BRD9: variants seen among roughly 807,000 people sequenced by gnomAD.
The protein encoded by BRD9 is bromodomain containing 9.
Under a neutral mutation model 68.7 loss-of-function variants are expected in BRD9, and 47 were observed. That is an observed-to-expected ratio of 0.68 (90% CI 0.54 to 0.87). The LOEUF is 0.87. BRD9 is among the 40% of genes least tolerant of loss of function. The pLI is 0.00. For synonymous variants in BRD9, 313 were observed against 293.9 expected, an observed-to-expected ratio of 1.06 and a Z score of -0.67; for missense variants, 670 against 748.4, an observed-to-expected ratio of 0.90 and a Z score of 1.22.
At chr5:866,492 A>C (rs1044154711) in intron 14 of BRD9, 4 of 152,288 alleles carry the variant, frequency 2.6e-5, no homozygotes, top group African/African-American at 9.7e-5. Context: ...TAAAGACAGG[A>C]AGATGAGGGA....
At chr5:872,389 A>G (rs910914743) in intron 12 of BRD9, among the ~76,000 whole-genome samples, 13 of 152,212 alleles carry the variant, frequency 8.5e-5, no homozygotes, top group African/African-American at 3.1e-4. Flanking sequence ...TCCATATCCA[A>G]GTTCACTTTC....
intron 12 of BRD9, among the ~76,000 whole-genome samples, chr5:873,781 C>G (rs930426109): frequency 3.3e-5 from 5 of 152,218 alleles, no homozygotes; most frequent in African/African-American, 7.2e-5. Context: ...ATGAAACCGT[C>G]AGGTCAAGGG....
intron 6 of BRD9, 116 bp downstream of exon 6, chr5:887,245 C>G (rs1238030239): frequency 2.3e-6 from 2 of 863,368 alleles, no homozygotes; most frequent in Non-Finnish European, 3.7e-6. Flanking sequence ...GGGGCAACAC[C>G]ATGAGGGTGG....
intron 5 of BRD9, chr5:888,314 T>C (rs528480291): frequency 6.6e-6 from 1 of 152,458 alleles, no homozygotes; most frequent in Non-Finnish European, 1.5e-5. Flanking sequence ...TCTTAACATC[T>C]ACCCTCAGGC....
rs887993270 is a variant in BRD9 at position 863,868 on chromosome 5, T to G, written c.*600A>C. On this transcript the variant is annotated 3_prime_UTR_variant, in exon 16 of 16. Coordinates refer to ENST00000467963, the MANE Select transcript of BRD9 (RefSeq NM_023924.5). ...CTCTCCTCACCCCAGCCTGGCCCTG[T>G]GCTCCCCAATGGCCCCTGCGAGGCC... 1 of 152,474 alleles carries G rather than the reference T, an allele frequency of 6.6e-6. No individual in the cohort carries two copies. The highest frequency in any genetic ancestry group is 2.4e-5 in the African/African-American group (1 of 41,444). The allele number at this position is 152,474 out of a possible 1,614,324, so 9.4% of individuals were successfully genotyped here. A position where few individuals can be genotyped will look rare whatever the true frequency, so the allele number is the denominator to read the frequency against.
At chr5:865,064 A>G (rs1579885737) in intron 15 of BRD9, among the ~76,000 whole-genome samples, 2 of 152,076 alleles carry the variant, frequency 1.3e-5, no homozygotes, top group African/African-American at 2.4e-5. Context: ...ACAAAACCCC[A>G]CCCACCAAAA....
chr5:869,765 A>G (rs1579910532), intron 14 of BRD9, among the ~76,000 whole-genome samples: 1 of 152,178 alleles, frequency 6.6e-6, no homozygotes, highest in South Asian at 2.1e-4. Context: ...TCCACCAACG[A>G]CCCGACATTC....
chr5:892,732 C>T lies in BRD9; in HGVS notation c.-75G>A. On this transcript the variant is annotated 5_prime_UTR_variant, in exon 1 of 16. Transcript: ENST00000467963. ...CGGTCGGACCTTGGCCGCCACCGCC[C>T]CCTGGCCCTGGCTGGCCGCCCGCGC... The T allele has an allele frequency of 8.1e-7, 1 of 1,227,776 alleles. No homozygotes were observed. Among genetic ancestry groups the T allele is most frequent in the South Asian group, 3.6e-5 (1 of 27,850 alleles). The allele number at this position is 1,227,776 out of a possible 1,614,324, so 76.1% of individuals were successfully genotyped here.
rs1223997409 is a variant in BRD9 at position 892,673 on chromosome 5, G to A, written c.-16C>T. ...TCTTGCCCATGGCGGCGCCGGCGGC[G>A]GGCCCGAGGCGGGGGCTGGGAACAG... On this transcript the variant is annotated 5_prime_UTR_variant, in exon 1 of 16. Coordinates refer to ENST00000467963, the MANE Select transcript of BRD9 (RefSeq NM_023924.5). 2.8e-6 allele frequency: 4 copies of A among 1,404,978 alleles called. No homozygotes were observed. The highest frequency in any genetic ancestry group is 3.0e-5 in the African/African-American group (2 of 66,224). The allele number at this position is 1,404,978 out of a possible 1,614,324, so 87.0% of individuals were successfully genotyped here.
At chr5:884,825 A>G (rs1443198361) in intron 7 of BRD9, among the ~76,000 whole-genome samples, 1 of 152,266 alleles carries the variant, frequency 6.6e-6, no homozygotes, top group African/African-American at 2.4e-5. Flanking sequence ...TGAGCTCCGC[A>G]GGGAGGGGCT....
At chr5:892,505 G>A (rs920787419) in intron 1 of BRD9, 101 bp downstream of exon 1, 2 of 1,482,850 alleles carry the variant, frequency 1.3e-6, no homozygotes, top group African/African-American at 1.4e-5. Context: ...CTCGTGGCCA[G>A]GACCTCGCCC....
intron 14 of BRD9, among the ~76,000 whole-genome samples, chr5:870,071 G>A (rs1304687306): frequency 2.0e-5 from 3 of 152,218 alleles, no homozygotes; most frequent in Non-Finnish European, 4.4e-5. Context: ...CCAGGTGGGA[G>A]CGATGCAGAG....
chr5:870,363 T>C, intron 14 of BRD9, 110 bp downstream of exon 14: 1 of 820,408 alleles, frequency 1.2e-6, no homozygotes, highest in South Asian at 1.6e-5. Flanking sequence ...ACAAAAGATT[T>C]TCCTGGCATC....
chr5:872,383 T>C (rs1750278114), intron 12 of BRD9, among the ~76,000 whole-genome samples: 1 of 152,210 alleles, frequency 6.6e-6, no homozygotes, highest in Non-Finnish European at 1.5e-5. Flanking sequence ...CTCAACTCCA[T>C]ATCCAAGTTC....
chr5:870,492 G>T lies in BRD9; in HGVS notation c.1506C>A (p.Ile502=), dbSNP rs762097391. The stretch of plus-strand genomic sequence containing the variant: ...ACTCACCCAGAGAGCTGAGCATGGA[G>T]ATATCCACAGAAACGTCGGGATAGG... The part of the protein sequence containing the change: ...MKSYPDVSVD[I]SMLSSLGKVK... Residue 502 remains isoleucine (I), a synonymous_variant, in exon 14 of 16, where the codon ATC becomes ATA. Transcript: ENST00000467963. 10 of 1,613,814 alleles carry T rather than the reference G, an allele frequency of 6.2e-6. No homozygotes were observed.
intron 1 of BRD9, 99 bp downstream of exon 1, chr5:892,507 A>T: frequency 6.7e-7 from 1 of 1,483,024 alleles, no homozygotes; most frequent in Non-Finnish European, 8.9e-7. Flanking sequence ...CGTGGCCAGG[A>T]CCTCGCCCGG....
At position 891,871 on chromosome 5, in the gene BRD9, C is replaced by A. The variant is rs532885217; in HGVS notation, c.53-17G>T. 4 of 1,550,220 alleles carry A rather than the reference C, an allele frequency of 2.6e-6. No individual in the cohort carries two copies. Among genetic ancestry groups the A allele is most frequent in the East Asian group, 2.4e-5 (1 of 40,906 alleles). The stretch of plus-strand genomic sequence containing the variant: ...CGGCATAATCTGCACAGACACAGAC[C>A]GAGTTCTACCCGCGTGCTCAGGTGC... On this transcript the variant is annotated splice_polypyrimidine_tract_variant and intron_variant, in intron 1 of 15. Transcript: ENST00000467963.
At position 886,572 on chromosome 5, in the gene BRD9, G is replaced by A. The variant is rs544386614; in HGVS notation, c.833+20C>T. 1.2e-6 allele frequency: 2 copies of A among 1,604,816 alleles called. No individual in the cohort carries two copies. Among genetic ancestry groups the A allele is most frequent in the African/African-American group, 2.7e-5 (2 of 74,530 alleles). On this transcript the variant is annotated intron_variant, in intron 7 of 15. Transcript: ENST00000467963. Reference sequence around the variant, plus strand: ...GGTGCTCAACTCCAAAAGCAAATGTGGTTTCCACAGAACCTTTACCTGATA... The same window carrying A: ...GGTGCTCAACTCCAAAAGCAAATGTAGTTTCCACAGAACCTTTACCTGATA...
chr5:891,703 CT>C lies in BRD9; in HGVS notation c.203del (p.Lys68ArgfsTer108). On this transcript the variant is annotated frameshift_variant, in exon 2 of 16. Coordinates refer to ENST00000467963, the MANE Select transcript of BRD9 (RefSeq NM_023924.5). LOFTEE classifies it high-confidence loss of function. Reference sequence around the variant, plus strand: ...CCTTCTCGGACTTCTTCTTCTTCTTCTTTTTCTTTTCTTTGTGCCTCTCTCG... The same window carrying C: ...CCTTCTCGGACTTCTTCTTCTTCTTCTTTTCTTTTCTTTGTGCCTCTCTCG... ...HERERHKEKK[K>X]KKKKKSEKEK... 2 of 1,551,592 alleles carry C rather than the reference CT, an allele frequency of 1.3e-6. No homozygotes were observed. Among genetic ancestry groups the C allele is most frequent in the Non-Finnish European group, 1.7e-6 (2 of 1,146,980 alleles).
Sources: gnomAD v4.1 joint callset for allele counts (sites outside exome capture counted in the v4.1 genomes callset) on GRCh38, gnomAD v4.1.1 for gene constraint, MANE v1.5 for transcripts, NCBI Gene and HGNC (gene_info 2026-07-23, HGNC 2026-07-21) for gene names.